Variants in CTNND2 observed in about 807,000 individuals in gnomAD.
CTNND2 encodes the protein catenin delta-2.
CTNND2 carries 22 observed loss-of-function variants against 144.4 expected under a neutral mutation model. The ratio of observed to expected loss-of-function variants is 0.15; its 90% confidence interval spans 0.11 to 0.22. The LOEUF (loss-of-function observed/expected upper bound fraction) is 0.22. Ranked by LOEUF, CTNND2 falls within the 10% of genes least tolerant of loss-of-function variation. CTNND2 has a pLI of 1.00. For missense variants in CTNND2, 1,353 were observed against 1,618.8 expected, an observed-to-expected ratio of 0.84 and a Z score of 2.82; for synonymous variants, 751 against 695.6, an observed-to-expected ratio of 1.08 and a Z score of -1.25.
At chr5:11,087,585 T>A (rs1580247907) in intron 15 of CTNND2, among the ~76,000 whole-genome samples, 1 of 152,322 alleles carries the variant, frequency 6.6e-6, no homozygotes, top group East Asian at 1.9e-4. Flanking sequence ...AGAGTTATGT[T>A]ATGGATTTAC....
At chr5:11,270,235 T>C (rs1440555490) in intron 9 of CTNND2, among the ~76,000 whole-genome samples, 1 of 152,146 alleles carries the variant, frequency 6.6e-6, no homozygotes, top group Non-Finnish European at 1.5e-5. Context: ...CTTTACATTA[T>C]TTCTTAAGTT....
At chr5:11,405,487 C>G (rs1028200010) in intron 5 of CTNND2, among the ~76,000 whole-genome samples, 11 of 151,740 alleles carry the variant, frequency 7.2e-5, no homozygotes, top group African/African-American at 2.7e-4. Context: ...GAGGCTGAGG[C>G]AGGAGAATCA....
At chr5:11,543,631 G>A (rs991703574) in intron 3 of CTNND2, among the ~76,000 whole-genome samples, 9 of 55,530 alleles carry the variant, frequency 1.6e-4, no homozygotes, top group African/African-American at 2.8e-4. Flanking sequence ...TATCAGTAAC[G>A]CTGTTTTTTT....
chr5:11,127,666 A>G (rs1271546762), intron 12 of CTNND2, among the ~76,000 whole-genome samples: 2 of 136,130 alleles, frequency 1.5e-5, no homozygotes, highest in Non-Finnish European at 3.0e-5. Context: ...TGGAGTGTCT[A>G]TAATTGTTAC....
intron 15 of CTNND2, among the ~76,000 whole-genome samples, chr5:11,085,200 C>T (rs1750002693): frequency 6.6e-6 from 1 of 152,110 alleles, no homozygotes; most frequent in East Asian, 1.9e-4. Flanking sequence ...CTACTTAGGA[C>T]CAAAAATGTG....
chr5:10,980,868 G>A (rs1737151950), intron 21 of CTNND2, among the ~76,000 whole-genome samples: 1 of 151,962 alleles, frequency 6.6e-6, no homozygotes, highest in East Asian at 1.9e-4. Flanking sequence ...TGGACATAGG[G>A]GAACATCACA....
chr5:11,201,319 T>C (rs982390232), intron 10 of CTNND2, among the ~76,000 whole-genome samples: 4 of 152,198 alleles, frequency 2.6e-5, no homozygotes, highest in Admixed American at 6.5e-5. Flanking sequence ...ACTTGCTACG[T>C]TGGTGTTGCT....
chr5:11,348,577 T>A (rs1309247489), intron 8 of CTNND2, among the ~76,000 whole-genome samples: 3 of 152,114 alleles, frequency 2.0e-5, no homozygotes, highest in Admixed American at 6.5e-5. Flanking sequence ...AATAGTTTTC[T>A]ATGCAAAATC....
chr5:11,858,700 T>C (rs999758875), intron 1 of CTNND2, among the ~76,000 whole-genome samples: 2 of 152,078 alleles, frequency 1.3e-5, no homozygotes, highest in African/African-American at 4.8e-5. Context: ...GGAGCTGAGG[T>C]GGGTGGATCA....
chr5:11,722,420 A>G (rs12332589), intron 2 of CTNND2, among the ~76,000 whole-genome samples: 34,255 of 152,124 alleles, frequency 0.23, 4,808 homozygotes, highest in African/African-American at 0.4. Context: ...ATGTGCTCAA[A>G]AGGAAATGTG....
At chr5:11,044,641 C>G (rs1404324998) in intron 16 of CTNND2, among the ~76,000 whole-genome samples, 1 of 151,962 alleles carries the variant, frequency 6.6e-6, no homozygotes, top group East Asian at 1.9e-4. Flanking sequence ...ATTAGTTAAA[C>G]AGAGCTTATG....
At chr5:11,004,002 C>T (rs1740219257) in intron 18 of CTNND2, among the ~76,000 whole-genome samples, 1 of 152,130 alleles carries the variant, frequency 6.6e-6, no homozygotes. Context: ...TGCTACTGGG[C>T]TAATTCTAAA....
chr5:11,615,061 A>T (rs1486328222), intron 2 of CTNND2, among the ~76,000 whole-genome samples: 2 of 152,216 alleles, frequency 1.3e-5, no homozygotes, highest in Non-Finnish European at 2.9e-5. Context: ...TTCATTAAGC[A>T]ATGTAGAAGA....
At chr5:11,876,116 G>A (rs1046075380) in intron 1 of CTNND2, among the ~76,000 whole-genome samples, 5 of 152,106 alleles carry the variant, frequency 3.3e-5, no homozygotes, top group East Asian at 1.9e-4. Flanking sequence ...TGGAAGACAC[G>A]ATCATTCCCT....
chr5:11,393,294 C>T (rs759988941), intron 6 of CTNND2, among the ~76,000 whole-genome samples: 1 of 152,188 alleles, frequency 6.6e-6, no homozygotes, highest in Non-Finnish European at 1.5e-5. Context: ...AGCAAGCAGG[C>T]CATTTCCCTA....
At chr5:11,330,278 TG>T (rs1158712771) in intron 9 of CTNND2, among the ~76,000 whole-genome samples, 5 of 140,394 alleles carry the variant, frequency 3.6e-5, no homozygotes, top group Admixed American at 7.4e-5. Context: ...GAGACCTTCC[TG>T]GCTAACATGG....
intron 14 of CTNND2, among the ~76,000 whole-genome samples, chr5:11,106,801 G>A (rs139046154): frequency 9.6e-4 from 146 of 152,142 alleles, no homozygotes; most frequent in Middle Eastern, 6.8e-3. Flanking sequence ...AGCCTCCCTC[G>A]CAGCTCTGGT....
At chr5:11,630,990 C>G (rs1330151127) in intron 2 of CTNND2, among the ~76,000 whole-genome samples, 1 of 151,904 alleles carries the variant, frequency 6.6e-6, no homozygotes, top group Non-Finnish European at 1.5e-5. Context: ...CATATCTTCT[C>G]CCAGTCACCT....
chr5:11,199,797 GA>G (rs1561010551), intron 10 of CTNND2, 136 bp from the exon 11 acceptor site: 1 of 638,062 alleles, frequency 1.6e-6, no homozygotes, highest in Non-Finnish European at 2.7e-6. Flanking sequence ...AAGGAAACAA[GA>G]AAAAAATAAG....
Sources: allele counts gnomAD v4.1 joint callset (sites outside exome capture counted in the v4.1 genomes callset), GRCh38; gene constraint gnomAD v4.1.1; transcripts MANE v1.5; gene names NCBI Gene and HGNC (gene_info 2026-07-23, HGNC 2026-07-21).